PKP3: variants seen among roughly 807,000 people sequenced by gnomAD.
The protein encoded by PKP3 is plakophilin 3, also known as plakophilin-3.
A neutral mutation model predicts 76.5 loss-of-function variants in PKP3; 66 were observed. The ratio of observed to expected loss-of-function variants is 0.86; its 90% CI spans 0.71 to 1.06. The LOEUF (loss-of-function observed/expected upper bound fraction) is 1.06. Among genes scored for constraint, PKP3 ranks in the 50% least tolerant of loss-of-function variants. The pLI, the probability that PKP3 is intolerant of heterozygous loss-of-function variation, is 0.00. For missense variants in PKP3, 1,338 were observed against 1,141.0 expected (o/e 1.17, Z -2.49); for synonymous variants, 638 against 516.5 (o/e 1.24, Z -3.19).
rs1237239807 is a variant in PKP3 at position 400,004 on chromosome 11, G to A, written c.1311G>A (p.Lys437=). The part of the protein sequence containing the change: ...LWNLSSSDHL[K]DRLARDTLEQ... Reference sequence around the variant, plus strand: ...ACCTTTCATCCAGCGACCACCTGAAGGACCGCCTGGCCAGAGACACGCTGG... The same window carrying A: ...ACCTTTCATCCAGCGACCACCTGAAAGACCGCCTGGCCAGAGACACGCTGG... Residue 437 remains lysine (K), a synonymous_variant, in exon 6 of 13, where the codon AAG becomes AAA. Coordinates refer to ENST00000331563, the MANE Select transcript of PKP3 (RefSeq NM_007183.4). 2 of 1,607,182 alleles carry A rather than the reference G, an allele frequency of 1.2e-6. No individual in the cohort carries two copies. Among genetic ancestry groups the A allele is most frequent in the African/African-American group, 1.3e-5 (1 of 74,836 alleles).
At position 394,407 on chromosome 11, in the gene PKP3, G is replaced by C; in HGVS notation, c.115G>C (p.Glu39Gln). 1.4e-6 allele frequency: 2 copies of C among 1,476,758 alleles called. No individual in the cohort carries two copies. Among genetic ancestry groups the C allele is most frequent in the Non-Finnish European group, 1.8e-6 (2 of 1,122,064 alleles). 91.5% of individuals were successfully genotyped at this position (1,476,758 alleles called of 1,614,324 possible). The change falls in exon 1 of 13, where the codon GAG (glutamate) becomes CAG (glutamine). Residue 39 changes from glutamate to glutamine, a missense_variant. Coordinates refer to ENST00000331563, the MANE Select transcript of PKP3 (RefSeq NM_007183.4). Reference protein sequence around the residue: ...DRRGAEGPEAERLRAARVQEQ... With the variant: ...DRRGAEGPEAQRLRAARVQEQ... ...CCGGGGCGCCGAGGGGCCGGAGGCCGAGCGGCTGCGGGCAGCCCGCGTCCA... is the reference window on the plus strand; with the variant it reads ...CCGGGGCGCCGAGGGGCCGGAGGCCCAGCGGCTGCGGGCAGCCCGCGTCCA...
rs1564881129 is a variant in PKP3, at chr11:400,614, G to C, written c.1646G>C (p.Arg549Pro). 1 of 1,436,102 alleles carries C rather than the reference G, an allele frequency of 7.0e-7. No individual in the cohort carries two copies. The highest frequency in any genetic ancestry group is 3.1e-5 in the Admixed American group (1 of 32,238). 89.0% of individuals were successfully genotyped at this position (1,436,102 alleles called of 1,614,324 possible). The stretch of plus-strand genomic sequence containing the variant: ...GAGATGCCGCCGTCCGCGCTGCAGC[G>C]GCTGGAGGGTCGCGGCCGCAGGGAC... ...YDEMPPSALQ[R>P]LEGRGRRDLA... Residue 549 changes from arginine to proline, a missense_variant, in exon 8 of 13, where the codon CGG becomes CCG. Arg to Pro is a moderately radical substitution (Grantham distance 103). Transcript: ENST00000331563.
chr11:400,215 T>C, intron 6 of PKP3, 74 bp downstream of exon 6: 1 of 1,420,416 alleles, frequency 7.0e-7, no homozygotes, highest in Non-Finnish European at 9.4e-7. Flanking sequence ...GGCCTGGCGT[T>C]CGCAGCCCAC....
chr11:394,130 C>A, upstream of PKP3: 1 of 1,169,938 alleles, frequency 8.5e-7, no homozygotes, highest in Non-Finnish European at 1.1e-6. Context: ...CCAGGTGTCC[C>A]CGCCCCCAGC....
At chr11:399,856 A>G (rs1199024165) in intron 5 of PKP3, 111 bp from the exon 6 acceptor site, 2 of 895,648 alleles carry the variant, frequency 2.2e-6, no homozygotes, top group Admixed American at 5.2e-5. Context: ...TGGGTGAGGC[A>G]CAGAACACCA....
chr11:403,186 C>T lies in PKP3; in HGVS notation c.1846C>T (p.Gln616Ter). The change falls in exon 9 of 13, where the codon CAG becomes TAG. Residue 616 changes from glutamine (Q) to a stop codon, truncating the protein, a stop_gained. Transcript: ENST00000331563. LOFTEE classifies it high-confidence loss of function. The part of the protein sequence containing the change: ...QIVGLYNRLL[Q>*]RCELNRHTTE... ...CGTGGGGCTGTACAACCGGCTGCTGCAGCGCTGCGAGCTCAACCGGCACAC... is the reference window on the plus strand; with the variant it reads ...CGTGGGGCTGTACAACCGGCTGCTGTAGCGCTGCGAGCTCAACCGGCACAC... 6.3e-7 allele frequency: 1 copy of T among 1,589,258 alleles called. No homozygotes were observed.
Position 397,306 on chromosome 11 carries a change from G to T in PKP3, c.805G>T (p.Gly269Trp). 3 of 1,591,424 alleles carry T rather than the reference G, an allele frequency of 1.9e-6. No homozygotes were observed. The highest frequency in any genetic ancestry group is 2.6e-6 in the Non-Finnish European group (3 of 1,171,462). The change falls in exon 3 of 13, where the codon GGG (glycine) becomes TGG (tryptophan). Residue 269 changes from glycine to tryptophan, a missense_variant. Transcript: ENST00000331563. The part of the protein sequence containing the change: ...RSRGVGGAVP[G>W]AVLEPVARAP... ...CCGCGGGGTAGGCGGGGCAGTGCCGGGGGCCGTCCTGGAGCCAGTGGCTCG... is the reference window on the plus strand; with the variant it reads ...CCGCGGGGTAGGCGGGGCAGTGCCGTGGGCCGTCCTGGAGCCAGTGGCTCG...
At chr11:392,854 G>T (rs915929000), upstream of PKP3, 17 of 408,304 alleles carry the variant, frequency 4.2e-5, no homozygotes, top group Non-Finnish European at 6.9e-5. Flanking sequence ...CCTCCCCTCA[G>T]AACTGACCTC....
chr11:400,407 A>T lies in PKP3; in HGVS notation c.1522A>T (p.Thr508Ser). The change falls in exon 7 of 13, where the codon ACC becomes TCC. Residue 508 changes from threonine to serine, a missense_variant. Physicochemically the swap from Thr to Ser is moderately conservative, Grantham distance 58 (BLOSUM62 1). Transcript: ENST00000331563. The stretch of plus-strand genomic sequence containing the variant: ...CCACGGGCTGGTGGACGCCCTGGTC[A>T]CCTCTATCAACCACGCCCTGGACGC... ...ECHGLVDALV[T>S]SINHALDAGK... 1.3e-6 allele frequency: 2 copies of T among 1,548,574 alleles called. No individual in the cohort carries two copies. The highest frequency in any genetic ancestry group is 8.7e-7 in the Non-Finnish European group (1 of 1,146,076).
intron 4 of PKP3, 77 bp downstream of exon 4, chr11:397,739 C>T: frequency 1.4e-6 from 2 of 1,421,960 alleles, no homozygotes; most frequent in Non-Finnish European, 1.9e-6. Flanking sequence ...CTGTCCTCTG[C>T]TCACTGAGCA....
In PKP3 at chr11:396,700, C is replaced by A; in HGVS notation, c.312+13C>A. 6.2e-7 allele frequency: 1 copy of A among 1,606,208 alleles called. No individual in the cohort carries two copies. Among genetic ancestry groups the A allele is most frequent in the South Asian group, 1.1e-5 (1 of 90,070 alleles). The stretch of plus-strand genomic sequence containing the variant: ...GGACAAGACCTCGGTGAGCGATGGG[C>A]CCAGCCCGAGGGGGACGATCTGAGC... On this transcript the variant is annotated intron_variant, in intron 2 of 12. Coordinates refer to ENST00000331563, the MANE Select transcript of PKP3 (RefSeq NM_007183.4).
At chr11:400,233 A>G (rs929768561) in intron 6 of PKP3, 92 bp downstream of exon 6, 9 of 1,411,006 alleles carry the variant, frequency 6.4e-6, no homozygotes, top group South Asian at 1.4e-5. Flanking sequence ...CACACACCGC[A>G]CGCCTCGCGC....
chr11:397,113 C>T lies in PKP3; in HGVS notation c.612C>T (p.Pro204=), dbSNP rs200924145. Residue 204 remains proline (P), a synonymous_variant, in exon 3 of 13, where the codon CCC becomes CCT. Transcript: ENST00000331563. ...RYSLVSEQLE[P]AATSTYRAFA... ...GCCTGGTGTCTGAGCAGCTGGAGCC[C>T]GCGGCCACCTCCACCTACAGGGCCT... 2.0e-5 allele frequency: 32 copies of T among 1,597,702 alleles called. No homozygotes were observed. Among genetic ancestry groups the T allele is most frequent in the Non-Finnish European group, 2.6e-5 (31 of 1,179,170 alleles).
upstream of PKP3, among the ~76,000 whole-genome samples, chr11:393,816 A>G (rs939920065): frequency 6.6e-6 from 1 of 152,004 alleles, no homozygotes; most frequent in Non-Finnish European, 1.5e-5. Flanking sequence ...CTAGGGCCCT[A>G]GACCCCCAGG....
upstream of PKP3, among the ~76,000 whole-genome samples, chr11:392,947 G>C (rs963713345): frequency 2.6e-5 from 4 of 152,008 alleles, no homozygotes; most frequent in Non-Finnish European, 4.4e-5. Context: ...AATCTTCCAG[G>C]GACGGAGCTA....
Position 394,474 on chromosome 11 carries a change from C to A in PKP3, c.182C>A (p.Pro61Gln). Reference sequence around the variant, plus strand: ...CGCCTCTTGCAGCTGGGACAGCAGCCGCGGCACAACGGGGCCGCTGAGCCC... The same window carrying A: ...CGCCTCTTGCAGCTGGGACAGCAGCAGCGGCACAACGGGGCCGCTGAGCCC... The part of the protein sequence containing the change: ...RARLLQLGQQ[P>Q]RHNGAAEPEP... The change falls in exon 1 of 13, where the codon CCG (proline) becomes CAG (glutamine). Residue 61 changes from proline to glutamine, a missense_variant. Coordinates refer to ENST00000331563, the MANE Select transcript of PKP3 (RefSeq NM_007183.4). 1 of 1,433,498 alleles carries A rather than the reference C, an allele frequency of 7.0e-7. No homozygotes were observed. Among genetic ancestry groups the A allele is most frequent in the Non-Finnish European group, 9.1e-7 (1 of 1,100,082 alleles). The allele number at this position is 1,433,498 out of a possible 1,614,324, so 88.8% of individuals were successfully genotyped here.
intron 9 of PKP3, 106 bp from the exon 10 acceptor site, chr11:403,512 C>G: frequency 4.4e-6 from 5 of 1,148,412 alleles, no homozygotes; most frequent in Non-Finnish European, 6.2e-6. Context: ...GAAGCAGAGG[C>G]CCCCCTGAGG....
At chr11:403,907 G>A (rs763885992) in intron 10 of PKP3, 36 bp from the exon 11 acceptor site, 3 of 1,573,338 alleles carry the variant, frequency 1.9e-6, no homozygotes, top group East Asian at 4.5e-5. Flanking sequence ...AGGTGGCCAG[G>A]AGTAGGGGTG....
In PKP3 at chr11:400,314, T is replaced by C. The variant is rs1331331248; in HGVS notation, c.1449-20T>C. The C allele has an allele frequency of 1.3e-6, 2 of 1,532,926 alleles. No homozygotes were observed. Among genetic ancestry groups the C allele is most frequent in the East Asian group, 2.4e-5 (1 of 40,830 alleles). 95.0% of individuals were successfully genotyped at this position (1,532,926 alleles called of 1,614,324 possible). On this transcript the variant is annotated intron_variant, in intron 6 of 12. Coordinates refer to ENST00000331563, the MANE Select transcript of PKP3 (RefSeq NM_007183.4). ...GGGATGCGGGGTCCCTGGGGGGCTCTGATCCACCTCGGTCCCCAGGAACCT... is the reference window on the plus strand; with the variant it reads ...GGGATGCGGGGTCCCTGGGGGGCTCCGATCCACCTCGGTCCCCAGGAACCT...
Sources: allele counts gnomAD v4.1 joint callset (sites outside exome capture counted in the v4.1 genomes callset), GRCh38; gene constraint gnomAD v4.1.1; transcripts MANE v1.5; gene names NCBI Gene and HGNC (gene_info 2026-07-23, HGNC 2026-07-21).